The following PRKCA variants were observed in gnomAD, a reference collection of about 807,000 sequenced individuals.
The protein encoded by PRKCA is protein kinase C alpha type.
A neutral mutation model predicts 87.0 loss-of-function variants in PRKCA; 27 were observed. That is an observed-to-expected ratio of 0.31 (90% confidence interval 0.23 to 0.43). The LOEUF is 0.43. PRKCA is among the 20% of genes least tolerant of loss of function. PRKCA has a pLI of 1.00. For missense variants in PRKCA, 518 were observed against 852.3 expected (o/e 0.61, Z 4.88); for synonymous variants, 329 against 311.1 (o/e 1.06, Z -0.61).
intron 2 of PRKCA, among the ~76,000 whole-genome samples, chr17:66,436,524 C>T (rs1018726728): frequency 7.2e-5 from 11 of 152,136 alleles, no homozygotes; most frequent in African/African-American, 1.2e-4. Flanking sequence ...GCTTTTATTA[C>T]GGTGAATATT....
At chr17:66,315,622 G>A (rs11658630) in intron 2 of PRKCA, among the ~76,000 whole-genome samples, 89,589 of 151,616 alleles carry the variant, frequency 0.59, 26,576 homozygotes, top group South Asian at 0.64. Flanking sequence ...TGGGATTACA[G>A]GCATGTGCCA....
At chr17:66,780,366 A>T (rs554448150) in intron 14 of PRKCA, among the ~76,000 whole-genome samples, 82 of 149,706 alleles carry the variant, frequency 5.5e-4, no homozygotes, top group African/African-American at 1.7e-3. Context: ...ACTCCAAATT[A>T]TGCATCATAA....
In PRKCA at chr17:66,689,801, C is replaced by A. The variant is rs1412024488; in HGVS notation, c.918+754C>A. The stretch of plus-strand genomic sequence containing the variant: ...AATATTTGTCTGTTTCTCTAATCAC[C>A]CTTCATTTTGGCTGTTCGAGGGACT... On this transcript the variant is annotated intron_variant, in intron 8 of 16. Transcript: ENST00000413366. The surrounding 1 kb of genome is among the most constrained non-coding windows in gnomAD (Gnocchi z 4.1). Among the ~76,000 whole-genome samples, 3 of 152,170 alleles carry A rather than the reference C, an allele frequency of 2.0e-5. No individual in the cohort carries two copies. The highest frequency in any genetic ancestry group is 6.5e-5 in the Admixed American group (1 of 15,280).
intron 2 of PRKCA, among the ~76,000 whole-genome samples, chr17:66,421,159 T>C (rs2143791274): frequency 6.6e-6 from 1 of 152,322 alleles, no homozygotes; most frequent in African/African-American, 2.4e-5. Flanking sequence ...GCTACTCCAG[T>C]TGGGCACATG....
chr17:66,532,036 A>T (rs1967560322), intron 3 of PRKCA, among the ~76,000 whole-genome samples: 2 of 152,174 alleles, frequency 1.3e-5, no homozygotes, highest in African/African-American at 4.8e-5. Context: ...CTTTGCTGAC[A>T]GAGCACCATG....
At chr17:66,721,344 C>G (rs560348754) in intron 8 of PRKCA, among the ~76,000 whole-genome samples, 2 of 147,894 alleles carry the variant, frequency 1.4e-5, no homozygotes, top group East Asian at 4.0e-4. Flanking sequence ...TGCAGTGAGC[C>G]GAGATCGGGC....
chr17:66,731,347 C>G, intron 8 of PRKCA, among the ~76,000 whole-genome samples: 1 of 72,584 alleles, frequency 1.4e-5, no homozygotes, highest in Admixed American at 1.5e-4. Context: ...AAAACTCCGT[C>G]TCAGAAAAAA....
At chr17:66,346,279 A>G (rs1305242525) in intron 2 of PRKCA, among the ~76,000 whole-genome samples, 9 of 151,404 alleles carry the variant, frequency 5.9e-5, no homozygotes, top group Non-Finnish European at 2.9e-5. Context: ...TTGTGTTTTT[A>G]GTAGAGACAG....
intron 2 of PRKCA, among the ~76,000 whole-genome samples, chr17:66,380,486 G>T (rs1174868383): frequency 1.3e-5 from 2 of 152,128 alleles, no homozygotes; most frequent in Non-Finnish European, 2.9e-5. Context: ...CTTATAAACT[G>T]CTTACTGTTA....
At chr17:66,675,767 C>G (rs1387894553) in intron 5 of PRKCA, among the ~76,000 whole-genome samples, 1 of 152,186 alleles carries the variant, frequency 6.6e-6, no homozygotes, top group Admixed American at 6.5e-5. Flanking sequence ...GCCACCGGAG[C>G]CTGCCTGGGC....
At chr17:66,358,451 T>C (rs1484519003) in intron 2 of PRKCA, among the ~76,000 whole-genome samples, 3 of 150,242 alleles carry the variant, frequency 2.0e-5, no homozygotes, top group African/African-American at 5.0e-5. Context: ...GAAGGTACTT[T>C]GCACATGGTA....
chr17:66,670,170 C>T (rs1972139789), intron 5 of PRKCA, among the ~76,000 whole-genome samples: 6 of 152,188 alleles, frequency 3.9e-5, no homozygotes, highest in Admixed American at 3.9e-4. Flanking sequence ...ACATCACCCA[C>T]ACTTTCTTGA....
At chr17:66,768,063 C>T (rs1433606103) in intron 13 of PRKCA, among the ~76,000 whole-genome samples, 2 of 152,164 alleles carry the variant, frequency 1.3e-5, no homozygotes, top group Admixed American at 1.3e-4. Flanking sequence ...CCTGCCTCAG[C>T]CTCCTGAGTA....
chr17:66,777,173 C>G (rs970230606), intron 14 of PRKCA: 7 of 982,874 alleles, frequency 7.1e-6, no homozygotes, highest in Non-Finnish European at 8.5e-6. Context: ...CCTGCCCTGC[C>G]CATGTCCGAA....
chr17:66,433,192 C>T lies in PRKCA; in HGVS notation c.206-63009C>T, dbSNP rs115253115. Among the ~76,000 whole-genome samples the T allele has an allele frequency of 3.6e-3, 542 of 152,198 alleles. 2 individuals are homozygous for T. Among genetic ancestry groups the T allele is most frequent in the African/African-American group, 0.012 (516 of 41,530 alleles). ...AATAGCTGGGATGCTTTTGGAAGGC[C>T]GTGTATACCTCAGTGTATGTGTTCC... On this transcript the variant is annotated intron_variant, in intron 2 of 16. Coordinates refer to ENST00000413366, the MANE Select transcript of PRKCA (RefSeq NM_002737.3).
At chr17:66,581,435 A>G (rs1360010083) in intron 3 of PRKCA, among the ~76,000 whole-genome samples, 1 of 152,140 alleles carries the variant, frequency 6.6e-6, no homozygotes, top group Non-Finnish European at 1.5e-5. Flanking sequence ...AACTTGAACC[A>G]TATTTGAGAG....
At chr17:66,651,921 T>C (rs766736534) in intron 5 of PRKCA, among the ~76,000 whole-genome samples, 3 of 152,232 alleles carry the variant, frequency 2.0e-5, no homozygotes, top group African/African-American at 4.8e-5. Context: ...ACCTCCCACC[T>C]AATGGTTTTA....
chr17:66,562,996 G>A (rs1017406814), intron 3 of PRKCA, among the ~76,000 whole-genome samples: 4 of 152,074 alleles, frequency 2.6e-5, no homozygotes, highest in Admixed American at 6.6e-5. Flanking sequence ...TATAACTGTA[G>A]CAGCTATTTC....
intron 8 of PRKCA, among the ~76,000 whole-genome samples, chr17:66,717,164 A>G (rs2144146453): frequency 6.6e-6 from 1 of 152,250 alleles, no homozygotes; most frequent in Admixed American, 6.5e-5. Flanking sequence ...TGATTTGAGA[A>G]CCTGCGTGAT....
Sources: allele counts gnomAD v4.1 joint callset (sites outside exome capture counted in the v4.1 genomes callset), GRCh38; gene constraint gnomAD v4.1.1; non-coding constraint Gnocchi (gnomAD v3.1); transcripts MANE v1.5; gene names NCBI Gene and HGNC (gene_info 2026-07-23, HGNC 2026-07-21).